The following STXBP5L variants were observed in gnomAD, a reference collection of about 807,000 sequenced individuals.
STXBP5L encodes syntaxin binding protein 5L.
Under a neutral mutation model 144.5 loss-of-function variants are expected in STXBP5L, and 65 were observed. The observed-to-expected ratio is 0.45, with a 90% CI of 0.37 to 0.55. The LOEUF is 0.55. STXBP5L is among the 20% of genes least tolerant of loss of function. The pLI is 0.00. For synonymous variants in STXBP5L, 505 were observed against 469.6 expected (o/e 1.08, Z -0.97); for missense variants, 1,298 against 1,405.5 (o/e 0.92, Z 1.22).
chr3:121,101,071 T>G (rs1184138835), intron 5 of STXBP5L, among the ~76,000 whole-genome samples: 1 of 151,540 alleles, frequency 6.6e-6, no homozygotes, highest in Non-Finnish European at 1.5e-5. Flanking sequence ...CAGACCAATA[T>G]CAAGTTCCAA....
At chr3:121,307,588 G>A (rs563674466) in intron 19 of STXBP5L, among the ~76,000 whole-genome samples, 1 of 152,106 alleles carries the variant, frequency 6.6e-6, no homozygotes, top group East Asian at 1.9e-4. Context: ...ATAACAACCA[G>A]TAAACTTGAA....
chr3:121,075,361 G>A (rs747372718), intron 5 of STXBP5L, among the ~76,000 whole-genome samples: 6 of 152,064 alleles, frequency 3.9e-5, no homozygotes, highest in Non-Finnish European at 8.8e-5. Context: ...CCATGACCAC[G>A]TCCTCTCACA....
intron 7 of STXBP5L, among the ~76,000 whole-genome samples, chr3:121,149,471 A>T (rs1414224194): frequency 6.6e-6 from 1 of 152,008 alleles, no homozygotes; most frequent in Non-Finnish European, 1.5e-5. Flanking sequence ...CTCTAGGATG[A>T]TTTTTAGCAA....
intron 20 of STXBP5L, among the ~76,000 whole-genome samples, chr3:121,319,565 T>G (rs989539182): frequency 6.6e-6 from 1 of 152,178 alleles, no homozygotes; most frequent in Non-Finnish European, 1.5e-5. Context: ...CTGTCTCATA[T>G]GTTTACCCTG....
intron 3 of STXBP5L, among the ~76,000 whole-genome samples, chr3:120,988,798 C>T (rs1942551101): frequency 6.6e-6 from 1 of 152,048 alleles, no homozygotes; most frequent in Admixed American, 6.6e-5. Context: ...GGTCATTTAT[C>T]ATCCCTCTCC....
rs139609709 is a variant in STXBP5L, at chr3:121,139,227, G to A, written c.670-13250G>A. On this transcript the variant is annotated intron_variant, in intron 7 of 26. Transcript: ENST00000471454. ...TAGTGTATATTTATAAAAGCTGAAG[G>A]AGAAGATTTTGAATGTTCATAACAC... 5.0e-3 allele frequency among the ~76,000 whole-genome samples: 764 copies of A among 152,074 alleles called. 7 individuals are homozygous for A. The highest frequency in any genetic ancestry group is 0.017 in the African/African-American group (719 of 41,532).
intron 18 of STXBP5L, among the ~76,000 whole-genome samples, chr3:121,270,757 A>T (rs1274640188): frequency 1.3e-5 from 2 of 152,022 alleles, no homozygotes; most frequent in Non-Finnish European, 2.9e-5. Flanking sequence ...CTGACCCAGC[A>T]TTTATTTTTT....
intron 11 of STXBP5L, among the ~76,000 whole-genome samples, chr3:121,225,508 G>T (rs338969): frequency 6.6e-6 from 1 of 151,858 alleles, no homozygotes; most frequent in Non-Finnish European, 1.5e-5. Context: ...GGAGCTGTAC[G>T]GAGGCCAATG....
chr3:121,372,549 C>T (rs1198665255), intron 20 of STXBP5L, among the ~76,000 whole-genome samples: 1 of 152,184 alleles, frequency 6.6e-6, no homozygotes, highest in African/African-American at 2.4e-5. Flanking sequence ...CAGGTTCCTT[C>T]TTGACTGCTC....
At chr3:121,377,601 G>A (rs994331180) in intron 20 of STXBP5L, among the ~76,000 whole-genome samples, 2 of 152,174 alleles carry the variant, frequency 1.3e-5, no homozygotes, top group African/African-American at 4.8e-5. Context: ...TTAGAGAAAT[G>A]CAAATCAAAA....
chr3:121,404,671 A>G (rs1192676844), intron 22 of STXBP5L, among the ~76,000 whole-genome samples: 1 of 152,126 alleles, frequency 6.6e-6, no homozygotes, highest in Non-Finnish European at 1.5e-5. Context: ...CTTGTAAGCT[A>G]ATAAAGTTAG....
In STXBP5L at chr3:120,979,535, G is replaced by A. The variant is rs144734559; in HGVS notation, c.287+24498G>A. Among the ~76,000 whole-genome samples the A allele has an allele frequency of 7.4e-3, 1,130 of 152,180 alleles. 7 individuals carry two copies. Among genetic ancestry groups the A allele is most frequent in the African/African-American group, 0.024 (997 of 41,524 alleles). On this transcript the variant is annotated intron_variant, in intron 3 of 26. Transcript: ENST00000471454. ...AATGCCTCACCCTGCTTTGGCTCAC[G>A]CACAGTGCACTGCACCCACTGTCCT...
intron 22 of STXBP5L, among the ~76,000 whole-genome samples, chr3:121,404,739 A>G (rs1397109068): frequency 6.6e-6 from 1 of 152,180 alleles, no homozygotes; most frequent in East Asian, 1.9e-4. Flanking sequence ...GACAAAGGAT[A>G]ATTTATTATT....
At chr3:121,335,771 A>C (rs2044484317) in intron 20 of STXBP5L, among the ~76,000 whole-genome samples, 2 of 152,210 alleles carry the variant, frequency 1.3e-5, no homozygotes, top group Non-Finnish European at 2.9e-5. Flanking sequence ...AATCTACTCA[A>C]GATGGAGGAA....
At chr3:121,308,067 C>T (rs56774778) in intron 19 of STXBP5L, among the ~76,000 whole-genome samples, 4 of 152,202 alleles carry the variant, frequency 2.6e-5, no homozygotes, top group African/African-American at 9.6e-5. Context: ...ATTCAAGAAA[C>T]TTATATCCAG....
At chr3:121,350,884 C>G (rs1320427613) in intron 20 of STXBP5L, among the ~76,000 whole-genome samples, 1 of 152,068 alleles carries the variant, frequency 6.6e-6, no homozygotes. Context: ...AGGTTTTTAA[C>G]TTCTTTGCCA....
Position 121,091,328 on chromosome 3 carries a change from G to C in STXBP5L, c.471-23597G>C, listed in dbSNP as rs1015691003. Reference sequence around the variant, plus strand: ...ATGGCTGGGTCAAATGGTATTTCTAGTTTTAGAACCCTGAGGAATCGCCAC... The same window carrying C: ...ATGGCTGGGTCAAATGGTATTTCTACTTTTAGAACCCTGAGGAATCGCCAC... On this transcript the variant is annotated intron_variant, in intron 5 of 26. Coordinates refer to ENST00000471454, the MANE Select transcript of STXBP5L (RefSeq NM_001308330.2). Among the ~76,000 whole-genome samples, 9 of 147,718 alleles carry C rather than the reference G, an allele frequency of 6.1e-5. 1 individual carries two copies. Among genetic ancestry groups the C allele is most frequent in the African/African-American group, 2.3e-4 (9 of 39,050 alleles).
chr3:121,081,304 T>G, intron 5 of STXBP5L, among the ~76,000 whole-genome samples: 1 of 152,326 alleles, frequency 6.6e-6, no homozygotes. Flanking sequence ...CCTCTGGTAT[T>G]TCCTTGGGTA....
intron 9 of STXBP5L, among the ~76,000 whole-genome samples, chr3:121,201,235 T>A (rs1314614147): frequency 6.6e-6 from 1 of 152,238 alleles, no homozygotes; most frequent in Non-Finnish European, 1.5e-5. Flanking sequence ...TAGTTAGCAC[T>A]TCTTGTTGCA....
Sources: allele counts gnomAD v4.1 joint callset (sites outside exome capture counted in the v4.1 genomes callset), GRCh38; gene constraint gnomAD v4.1.1; transcripts MANE v1.5; gene names NCBI Gene and HGNC (gene_info 2026-07-23, HGNC 2026-07-21).